The following EXOC2 variants were observed in gnomAD, a reference collection of about 807,000 sequenced individuals.
EXOC2 encodes SEC5-like 1.
A neutral mutation model predicts 131.8 loss-of-function variants in EXOC2; 70 were observed. The observed-to-expected ratio is 0.53, with a 90% CI of 0.44 to 0.65. The LOEUF (loss-of-function observed/expected upper bound fraction) is 0.65. Ranked by LOEUF, EXOC2 falls within the 30% of genes least tolerant of loss-of-function variation. The probability of loss-of-function intolerance (pLI) is 0.00; values close to 1 mark genes in which losing one functional copy is unlikely to be tolerated. For missense variants in EXOC2, 923 were observed against 1,108.6 expected (o/e 0.83, Z 2.38); for synonymous variants, 411 against 398.4 (o/e 1.03, Z -0.38).
chr6:576,927 TA>T, intron 11 of EXOC2, 45 bp from the exon 12 acceptor site: 1 of 1,578,282 alleles, frequency 6.3e-7, no homozygotes, highest in East Asian at 2.3e-5. Context: ...GCATGCTCTA[TA>T]TACTCTTGCT....
intron 1 of EXOC2, chr6:669,506 A>C (rs1970338): frequency 0.61 from 93,269 of 152,176 alleles, 28,920 homozygotes; most frequent in East Asian, 0.79. Flanking sequence ...TCTTCATCTC[A>C]AGGTGAGGCA....
intron 22 of EXOC2, among the ~76,000 whole-genome samples, chr6:547,495 G>A (rs2127562998): frequency 6.6e-6 from 1 of 152,312 alleles, no homozygotes; most frequent in African/African-American, 2.4e-5. Context: ...TGTGCCCTGT[G>A]ACTCTTCTGG....
chr6:622,480 C>A (rs1581575918), intron 4 of EXOC2, among the ~76,000 whole-genome samples: 1 of 152,156 alleles, frequency 6.6e-6, no homozygotes, highest in Non-Finnish European at 1.5e-5. Flanking sequence ...CATAATCGAA[C>A]AGGGAATGAA....
intron 13 of EXOC2, among the ~76,000 whole-genome samples, chr6:568,273 GAACAGC>G (rs1758084979): frequency 6.6e-6 from 1 of 152,200 alleles, no homozygotes. Context: ...TTGAAGGCCT[GAACAGC>G]ACAAAAGAGC....
chr6:571,213 T>C (rs1383207697), intron 13 of EXOC2, among the ~76,000 whole-genome samples: 1 of 152,240 alleles, frequency 6.6e-6, no homozygotes, highest in Non-Finnish European at 1.5e-5. Flanking sequence ...AAGAAAGTTG[T>C]GTATTGCTTT....
chr6:557,348 A>C (rs968394200), intron 17 of EXOC2, among the ~76,000 whole-genome samples: 1 of 152,152 alleles, frequency 6.6e-6, no homozygotes, highest in African/African-American at 2.4e-5. Context: ...GGCCGGGCGC[A>C]GTGGCTCACG....
chr6:602,853 A>G (rs796954463), intron 7 of EXOC2, among the ~76,000 whole-genome samples: 11 of 152,212 alleles, frequency 7.2e-5, no homozygotes, highest in Non-Finnish European at 8.8e-5. Context: ...GATGGGAAGG[A>G]AAGTCCAGGT....
At chr6:583,911 C>T (rs1379583924) in intron 11 of EXOC2, among the ~76,000 whole-genome samples, 1 of 152,214 alleles carries the variant, frequency 6.6e-6, no homozygotes, top group African/African-American at 2.4e-5. Flanking sequence ...CATCTCATAT[C>T]TGTGCTCGCT....
intron 4 of EXOC2, among the ~76,000 whole-genome samples, chr6:620,256 C>T (rs912003667): frequency 5.3e-5 from 8 of 152,228 alleles, no homozygotes; most frequent in Non-Finnish European, 2.9e-5. Context: ...AGGCTCACAA[C>T]GTGGCAGCCT....
chr6:555,805 C>G lies in EXOC2; in HGVS notation c.1992+149G>C, dbSNP rs544296468. 12 of 725,328 alleles carry G rather than the reference C, an allele frequency of 1.7e-5. No homozygotes were observed. In the East Asian group the frequency reaches 3.4e-4, roughly 21 times the overall value. The allele number at this position is 725,328 out of a possible 1,614,324, so 44.9% of individuals were successfully genotyped here. A position where few individuals can be genotyped will look rare whatever the true frequency, so the allele number is the denominator to read the frequency against. On this transcript the variant is annotated intron_variant, in intron 19 of 27. Transcript: ENST00000230449. Reference sequence around the variant, plus strand: ...ATTAATCTTACATTAAACTTTGTTACCCACTTACCTTAAACTATTATGTAC... The same window carrying G: ...ATTAATCTTACATTAAACTTTGTTAGCCACTTACCTTAAACTATTATGTAC...
At chr6:614,443 G>A (rs1188978428) in intron 6 of EXOC2, among the ~76,000 whole-genome samples, 1 of 152,194 alleles carries the variant, frequency 6.6e-6, no homozygotes, top group Non-Finnish European at 1.5e-5. Flanking sequence ...AAGCTCCATG[G>A]ATGAAAATTT....
intron 1 of EXOC2, among the ~76,000 whole-genome samples, chr6:687,915 T>A: frequency 6.6e-6 from 1 of 152,230 alleles, no homozygotes; most frequent in Non-Finnish European, 1.5e-5. Context: ...TACTTTATTC[T>A]TGTCTGTCTC....
At chr6:608,738 TTC>T (rs2127660292) in intron 7 of EXOC2, among the ~76,000 whole-genome samples, 1 of 152,354 alleles carries the variant, frequency 6.6e-6, no homozygotes, top group East Asian at 1.9e-4. Flanking sequence ...AAGGATCTCC[TTC>T]TCTGATACCA....
intron 24 of EXOC2, among the ~76,000 whole-genome samples, chr6:498,585 T>C (rs1763868336): frequency 6.6e-6 from 1 of 152,242 alleles, no homozygotes; most frequent in Admixed American, 6.5e-5. Context: ...TTCCCTTTCA[T>C]AAGAACTGGA....
At chr6:669,199 A>G (rs1763752625) in intron 1 of EXOC2, 1 of 152,236 alleles carries the variant, frequency 6.6e-6, no homozygotes, top group Non-Finnish European at 1.5e-5. Flanking sequence ...AACTCCCCAC[A>G]TTCCAGCTAC....
intron 7 of EXOC2, among the ~76,000 whole-genome samples, chr6:601,045 G>A (rs933330606): frequency 6.6e-6 from 1 of 151,776 alleles, no homozygotes; most frequent in Non-Finnish European, 1.5e-5. Flanking sequence ...AAAATCACCA[G>A]TAGCTCACAA....
At chr6:640,631 T>C (rs1762311597) in intron 1 of EXOC2, among the ~76,000 whole-genome samples, 1 of 152,078 alleles carries the variant, frequency 6.6e-6, no homozygotes, top group African/African-American at 2.4e-5. Flanking sequence ...GTGTCCTTAT[T>C]GGAAGAATTT....
In EXOC2 at chr6:633,018, T is replaced by A; in HGVS notation, c.218A>T (p.Asp73Val). ...RVGQAKNDKG[D>V]IIVTTKSGGR... is the part of the protein sequence containing the mutation. ...ACCTGACTTAGTGGTGACAATAATG[T>A]CTCCTTTGTCATTTTTGGCTTGTCC... The change falls in exon 3 of 28, where the codon GAC (aspartate) becomes GTC (valine). Residue 73 changes from aspartate to valine, a missense_variant. Physicochemically the swap from Asp to Val is radical, Grantham distance 152. Transcript: ENST00000230449. 6.2e-7 allele frequency: 1 copy of A among 1,614,190 alleles called. No individual in the cohort carries two copies. Among genetic ancestry groups the A allele is most frequent in the Non-Finnish European group, 8.5e-7 (1 of 1,180,034 alleles).
At chr6:669,115 C>T (rs1763747623) in intron 1 of EXOC2, 2 of 152,360 alleles carry the variant, frequency 1.3e-5, no homozygotes, top group Non-Finnish European at 2.9e-5. Flanking sequence ...CGGCTGATCT[C>T]CTGCACCATG....
Sources: allele counts gnomAD v4.1 joint callset (sites outside exome capture counted in the v4.1 genomes callset), GRCh38; gene constraint gnomAD v4.1.1; transcripts MANE v1.5; gene names NCBI Gene and HGNC (gene_info 2026-07-23, HGNC 2026-07-21).